The following RNF216 variants were observed in gnomAD, a reference collection of about 807,000 sequenced individuals.
The protein encoded by RNF216 is E3 ubiquitin-protein ligase RNF216.
In RNF216, 72 loss-of-function variants were observed where a neutral mutation model predicts 110.8. The observed-to-expected ratio is 0.65, with a 90% CI of 0.54 to 0.79. The LOEUF (loss-of-function observed/expected upper bound fraction) is 0.79. RNF216 is among the 30% of genes least tolerant of loss of function. The pLI, the probability that RNF216 is intolerant of heterozygous loss-of-function variation, is 0.00. For missense variants in RNF216, 1,342 were observed against 1,141.2 expected, an observed-to-expected ratio of 1.18 and a Z score of -2.54; for synonymous variants, 495 against 407.5, an observed-to-expected ratio of 1.21 and a Z score of -2.59.
In RNF216 at chr7:5,689,291, G is replaced by T. The variant is rs188484607; in HGVS notation, c.2061+22470C>A. On this transcript the variant is annotated intron_variant, in intron 13 of 16. Transcript: ENST00000389902. ...TTTGTGAGGTATAGGAAAAGTGACA[G>T]AAGTTACGCTCAGTTTTTGTAACCA... 5.4e-5 allele frequency among the ~76,000 whole-genome samples: 8 copies of T among 149,118 alleles called. No individual in the cohort carries two copies. The East Asian group carries it at 1.4e-3, about 26-fold the overall frequency.
chr7:5,673,871 T>A (rs1022940629), intron 13 of RNF216, among the ~76,000 whole-genome samples: 8 of 149,632 alleles, frequency 5.3e-5, no homozygotes, highest in African/African-American at 2.0e-4. Context: ...TTTTTTTTTT[T>A]TTTTTTTGAG....
At chr7:5,653,533 G>A (rs1487305700) in intron 13 of RNF216, among the ~76,000 whole-genome samples, 2 of 147,574 alleles carry the variant, frequency 1.4e-5, no homozygotes, top group African/African-American at 5.0e-5. Flanking sequence ...CCCGGGAGGC[G>A]GAGCTTGCAG....
rs541639007 is a variant in RNF216, at chr7:5,706,229, A to C, written c.2061+5532T>G. On this transcript the variant is annotated intron_variant, in intron 13 of 16. Transcript: ENST00000389902. ...AGCGACACTCCATCTCAAAAAAAAA[A>C]AAAAAAAAAATTGTGGTGAAAACAC... Among the ~76,000 whole-genome samples, 4 of 152,228 alleles carry C rather than the reference A, an allele frequency of 2.6e-5. No homozygotes were observed. The East Asian group carries it at 7.7e-4, about 29-fold the overall frequency.
intron 8 of RNF216, among the ~76,000 whole-genome samples, chr7:5,724,279 C>A (rs867442028): frequency 6.6e-6 from 1 of 152,208 alleles, no homozygotes. Context: ...TCTCTCTCCA[C>A]AGCCAAGAAC....
At chr7:5,763,361 T>C (rs998960441) in intron 1 of RNF216, among the ~76,000 whole-genome samples, 1 of 152,208 alleles carries the variant, frequency 6.6e-6, no homozygotes, top group East Asian at 1.9e-4. Flanking sequence ...CTAGGAGCGA[T>C]GGCTCACACC....
chr7:5,706,593 C>A (rs974110432), intron 13 of RNF216, among the ~76,000 whole-genome samples: 5 of 152,200 alleles, frequency 3.3e-5, no homozygotes, highest in Non-Finnish European at 7.3e-5. Context: ...GCATAATATA[C>A]CAAATTTTAA....
intron 15 of RNF216, among the ~76,000 whole-genome samples, chr7:5,640,419 T>C (rs1481676082): frequency 6.6e-6 from 1 of 152,194 alleles, no homozygotes; most frequent in Non-Finnish European, 1.5e-5. Context: ...ATGGCTCTCA[T>C]CACACTCCAG....
At chr7:5,748,591 C>A (rs1035731634) in intron 3 of RNF216, among the ~76,000 whole-genome samples, 1 of 147,126 alleles carries the variant, frequency 6.8e-6, no homozygotes, top group Non-Finnish European at 1.5e-5. Context: ...TATAAGAATG[C>A]AGTATATTTT....
At chr7:5,722,907 G>A (rs961808649) in intron 8 of RNF216, among the ~76,000 whole-genome samples, 1 of 151,948 alleles carries the variant, frequency 6.6e-6, no homozygotes, top group African/African-American at 2.4e-5. Flanking sequence ...GGCTGAGGCA[G>A]GAGAATCGCT....
intron 13 of RNF216, among the ~76,000 whole-genome samples, chr7:5,674,812 A>G (rs1333223560): frequency 2.0e-5 from 3 of 151,964 alleles, no homozygotes; most frequent in Admixed American, 6.6e-5. Context: ...CCTGACCAAC[A>G]TGGCAAAACC....
chr7:5,727,665 G>A (rs1793842310), intron 7 of RNF216, among the ~76,000 whole-genome samples: 1 of 152,116 alleles, frequency 6.6e-6, no homozygotes, highest in South Asian at 2.1e-4. Context: ...CCAGGTCAAG[G>A]TTGCAATAAG....
chr7:5,659,954 T>C (rs918591839), intron 13 of RNF216, among the ~76,000 whole-genome samples: 1 of 16,628 alleles, frequency 6.0e-5, no homozygotes. Context: ...ATTCATTAAT[T>C]TTTTTTTTTT....
chr7:5,691,211 T>A (rs1459297814), intron 13 of RNF216, among the ~76,000 whole-genome samples: 1 of 152,234 alleles, frequency 6.6e-6, no homozygotes, highest in African/African-American at 2.4e-5. Flanking sequence ...CTGCCAGGTC[T>A]ACCCATGGTG....
chr7:5,697,077 T>C lies in RNF216; in HGVS notation c.2061+14684A>G, dbSNP rs534844914. 6.7e-3 allele frequency among the ~76,000 whole-genome samples: 822 copies of C among 122,918 alleles called. 4 individuals are homozygous for C. The highest frequency in any genetic ancestry group is 0.019 in the African/African-American group (741 of 39,976). 80.6% of individuals were successfully genotyped at this position (122,918 alleles called of 152,430 possible). A position where few individuals can be genotyped will look rare whatever the true frequency, so the allele number is the denominator to read the frequency against. On this transcript the variant is annotated intron_variant, in intron 13 of 16. Coordinates refer to ENST00000389902, the MANE Select transcript of RNF216 (RefSeq NM_207111.4). The stretch of plus-strand genomic sequence containing the variant: ...ATTGCAAAGCCCTCAACAGGGTCTA[T>C]TTATCTTCAAAGTCCTGCTTCCTTC...
At chr7:5,766,405 T>C (rs1375002397) in intron 1 of RNF216, among the ~76,000 whole-genome samples, 1 of 151,830 alleles carries the variant, frequency 6.6e-6, no homozygotes, top group African/African-American at 2.4e-5. Context: ...ACCTCCAATA[T>C]AATGGTATTT....
intron 1 of RNF216, among the ~76,000 whole-genome samples, chr7:5,772,470 G>C (rs573507279): frequency 4.7e-4 from 71 of 152,066 alleles, no homozygotes; most frequent in African/African-American, 1.7e-3. Context: ...GCAGTGGTGC[G>C]ATCTCGGCTT....
intron 3 of RNF216, among the ~76,000 whole-genome samples, chr7:5,748,607 TACATACACACACAC>T (rs1407262263): frequency 1.5e-3 from 142 of 97,396 alleles, no homozygotes; most frequent in Non-Finnish European, 2.2e-3. Flanking sequence ...ATTTTTTATA[TACATACACACACAC>T]ACACACACAC....
At position 5,622,824 on chromosome 7, in the gene RNF216, A is replaced by C. The variant is rs370599339; in HGVS notation, c.*36T>G. 66 of 1,551,786 alleles carry C rather than the reference A, an allele frequency of 4.3e-5. No individual in the cohort carries two copies. The highest frequency in any genetic ancestry group is 5.2e-5 in the Non-Finnish European group (60 of 1,144,084). ...TTCTCCATCCACACTCCTACCCCAA[A>C]CGGGCTTTGTGCTGCTCAATGGGGA... On this transcript the variant is annotated 3_prime_UTR_variant, in exon 17 of 17. Coordinates refer to ENST00000389902, the MANE Select transcript of RNF216 (RefSeq NM_207111.4).
intron 9 of RNF216, among the ~76,000 whole-genome samples, chr7:5,717,719 T>C (rs907569171): frequency 1.3e-5 from 2 of 152,184 alleles, no homozygotes; most frequent in African/African-American, 4.8e-5. Flanking sequence ...TGCTGCAGAG[T>C]GACTGCCAGG....
Sources: gnomAD v4.1 joint callset for allele counts (sites outside exome capture counted in the v4.1 genomes callset) on GRCh38, gnomAD v4.1.1 for gene constraint, MANE v1.5 for transcripts, NCBI Gene and HGNC (gene_info 2026-07-23, HGNC 2026-07-21) for gene names.